Variants in GLRA3 observed in about 807,000 individuals in gnomAD.
GLRA3 encodes glycine receptor alpha 3.
A neutral mutation model predicts 60.4 loss-of-function variants in GLRA3; 44 were observed. The ratio of observed to expected loss-of-function variants is 0.73; its 90% CI spans 0.57 to 0.94. The LOEUF (loss-of-function observed/expected upper bound fraction) is 0.94. GLRA3 is among the 40% of genes least tolerant of loss of function. GLRA3 has a pLI of 0.00. For missense variants in GLRA3, 508 were observed against 564.6 expected (o/e 0.90, Z 1.02); for synonymous variants, 223 against 192.9 (o/e 1.16, Z -1.29).
intron 3 of GLRA3, among the ~76,000 whole-genome samples, chr4:174,764,470 C>T (rs1475131172): frequency 6.6e-6 from 1 of 151,646 alleles, no homozygotes; most frequent in Non-Finnish European, 1.5e-5. Context: ...GAGATTCCAT[C>T]CTCTCAATTT....
chr4:174,803,347 A>T (rs1739900390), intron 1 of GLRA3, among the ~76,000 whole-genome samples: 1 of 152,144 alleles, frequency 6.6e-6, no homozygotes, highest in South Asian at 2.1e-4. Flanking sequence ...TAGCTTCTTA[A>T]TGACTTATTT....
At chr4:174,753,113 A>G (rs932962885) in intron 3 of GLRA3, among the ~76,000 whole-genome samples, 1 of 152,180 alleles carries the variant, frequency 6.6e-6, no homozygotes, top group Admixed American at 6.6e-5. Context: ...TCAGTTTCTC[A>G]TTGACTTCCT....
At chr4:174,687,437 G>A (rs1361270817) in intron 5 of GLRA3, among the ~76,000 whole-genome samples, 7 of 152,076 alleles carry the variant, frequency 4.6e-5, no homozygotes, top group African/African-American at 1.7e-4. Context: ...GAAAATCACT[G>A]GTGTGTTTGA....
chr4:174,755,975 A>C (rs10005407), intron 3 of GLRA3, among the ~76,000 whole-genome samples: 12,895 of 152,210 alleles, frequency 0.085, 913 homozygotes, highest in East Asian at 0.39. Context: ...CTCATCTTGC[A>C]AGATAAGATG....
intron 2 of GLRA3, among the ~76,000 whole-genome samples, chr4:174,781,310 A>C (rs2111278832): frequency 6.7e-6 from 1 of 150,322 alleles, no homozygotes; most frequent in South Asian, 2.1e-4. Context: ...GATGCATTCA[A>C]AGCAGTGTGT....
intron 7 of GLRA3, among the ~76,000 whole-genome samples, chr4:174,667,204 T>C (rs975259335): frequency 2.6e-5 from 4 of 152,056 alleles, no homozygotes; most frequent in Admixed American, 2.6e-4. Context: ...CTACTCACAG[T>C]CAACCCTGAT....
rs114157308 is a variant in GLRA3 at position 174,818,012 on chromosome 4, A to G, written c.71+10729T>C. On this transcript the variant is annotated intron_variant, in intron 1 of 9. Coordinates refer to ENST00000274093, the MANE Select transcript of GLRA3 (RefSeq NM_006529.4). ...ATTTTGACCATGTTAGTTTTTAAAA[A>G]TTGTAGTTGGCTAGAACAGCTCTAC... Among the ~76,000 whole-genome samples, 483 of 152,340 alleles carry G rather than the reference A, an allele frequency of 3.2e-3. 2 individuals carry two copies. Among genetic ancestry groups the G allele is most frequent in the African/African-American group, 0.011 (454 of 41,576 alleles).
At chr4:174,686,876 C>A (rs1459045568) in intron 5 of GLRA3, among the ~76,000 whole-genome samples, 1 of 152,104 alleles carries the variant, frequency 6.6e-6, no homozygotes, top group African/African-American at 2.4e-5. Context: ...TATAAAGTGT[C>A]AAATAATGTA....
In GLRA3 at chr4:174,743,242, G is replaced by T. The variant is rs146407821; in HGVS notation, c.268-14544C>A. 4.8e-3 allele frequency among the ~76,000 whole-genome samples: 732 copies of T among 152,124 alleles called. 2 individuals are homozygous for T. The highest frequency in any genetic ancestry group is 0.017 in the African/African-American group (704 of 41,522). On this transcript the variant is annotated intron_variant, in intron 3 of 9. Coordinates refer to ENST00000274093, the MANE Select transcript of GLRA3 (RefSeq NM_006529.4). ...TGCAGACCTATTTTGAATTTCACGAGATTATGAAAAAAGAATTCAAGATTA... is the reference window on the plus strand; with the variant it reads ...TGCAGACCTATTTTGAATTTCACGATATTATGAAAAAAGAATTCAAGATTA...
At chr4:174,748,366 G>A (rs1174516698) in intron 3 of GLRA3, among the ~76,000 whole-genome samples, 1 of 152,096 alleles carries the variant, frequency 6.6e-6, no homozygotes, top group African/African-American at 2.4e-5. Context: ...TGAAAAACCA[G>A]GAATTGAGGA....
intron 1 of GLRA3, among the ~76,000 whole-genome samples, chr4:174,821,796 C>T (rs544538848): frequency 5.7e-4 from 87 of 152,256 alleles, no homozygotes; most frequent in African/African-American, 2.0e-3. Flanking sequence ...ATCTGTTTTA[C>T]AGCCTCTTCT....
At chr4:174,692,218 G>T (rs1160311754) in intron 5 of GLRA3, among the ~76,000 whole-genome samples, 5 of 150,924 alleles carry the variant, frequency 3.3e-5, no homozygotes, top group African/African-American at 1.2e-4. Context: ...CCGGGAGGGA[G>T]GTGGGGGTCA....
chr4:174,766,001 ACACACT>A (rs1233610812), intron 3 of GLRA3, among the ~76,000 whole-genome samples: 1 of 151,618 alleles, frequency 6.6e-6, no homozygotes, highest in Non-Finnish European at 1.5e-5. Flanking sequence ...AGATTCCAAC[ACACACT>A]CACACACACC....
chr4:174,793,783 G>T (rs1238149819), intron 1 of GLRA3, among the ~76,000 whole-genome samples: 1 of 151,950 alleles, frequency 6.6e-6, no homozygotes, highest in East Asian at 1.9e-4. Flanking sequence ...TATTCTAAGT[G>T]ACTGTTATTC....
At chr4:174,781,031 A>G (rs1249131776) in intron 2 of GLRA3, among the ~76,000 whole-genome samples, 1 of 152,184 alleles carries the variant, frequency 6.6e-6, no homozygotes, top group African/African-American at 2.4e-5. Context: ...GCACCGTACC[A>G]CACCTATTCC....
intron 1 of GLRA3, among the ~76,000 whole-genome samples, chr4:174,809,811 A>G (rs1269484277): frequency 6.6e-6 from 1 of 152,204 alleles, no homozygotes; most frequent in Non-Finnish European, 1.5e-5. Context: ...GTAGGACTAA[A>G]GAATGCTATG....
At chr4:174,726,937 T>A in intron 4 of GLRA3, among the ~76,000 whole-genome samples, 1 of 152,174 alleles carries the variant, frequency 6.6e-6, no homozygotes, top group African/African-American at 2.4e-5. Context: ...AATTTACTCA[T>A]CCATATGGGA....
chr4:174,755,542 T>C lies in GLRA3; in HGVS notation c.267+11421A>G, dbSNP rs1737657378. ...ATAGACTGTGAATAAATTGCCTTTA[T>C]GTAAGTCATTAAATTGTTTTCAGTG... On this transcript the variant is annotated intron_variant, in intron 3 of 9. Coordinates refer to ENST00000274093, the MANE Select transcript of GLRA3 (RefSeq NM_006529.4). Among the ~76,000 whole-genome samples, 3 of 152,154 alleles carry C rather than the reference T, an allele frequency of 2.0e-5. No homozygotes were observed. The South Asian group carries it at 6.2e-4, about 31-fold the overall frequency.
rs1579377837 is a variant in GLRA3, at chr4:174,644,128, C to G, written c.1117-64G>C. 16 of 902,620 alleles carry G rather than the reference C, an allele frequency of 1.8e-5. No individual in the cohort carries two copies. In the East Asian group the frequency reaches 3.6e-4, roughly 21 times the overall value. The allele number at this position is 902,620 out of a possible 1,614,324, so 55.9% of individuals were successfully genotyped here. A position where few individuals can be genotyped will look rare whatever the true frequency, so the allele number is the denominator to read the frequency against. On this transcript the variant is annotated intron_variant, in intron 9 of 9. Coordinates refer to ENST00000274093, the MANE Select transcript of GLRA3 (RefSeq NM_006529.4). ...AATAGAGCATGTATAACAGGCATCT[C>G]AGAATCATAACCAATTTTATCATGG...
Sources: gnomAD v4.1 joint callset for allele counts (sites outside exome capture counted in the v4.1 genomes callset) on GRCh38, gnomAD v4.1.1 for gene constraint, MANE v1.5 for transcripts, NCBI Gene and HGNC (gene_info 2026-07-23, HGNC 2026-07-21) for gene names.